RAB3C: variants seen among roughly 807,000 people sequenced by gnomAD.
RAB3C encodes ras-related protein Rab-3C.
Under a neutral mutation model 26.4 loss-of-function variants are expected in RAB3C, and 17 were observed. The ratio of observed to expected loss-of-function variants is 0.64; its 90% CI spans 0.44 to 0.97. The LOEUF (loss-of-function observed/expected upper bound fraction) is 0.97, where lower values mean the gene tolerates loss of function less well. Among genes scored for constraint, RAB3C ranks in the 50% least tolerant of loss-of-function variants. The probability of loss-of-function intolerance (pLI) is 0.00; values close to 1 mark genes in which losing one functional copy is unlikely to be tolerated. For missense variants in RAB3C, 242 were observed against 281.9 expected (o/e 0.86, Z 1.01); for synonymous variants, 91 against 95.9 (o/e 0.95, Z 0.30).
At chr5:58,798,607 A>T (rs936445195) in intron 3 of RAB3C, among the ~76,000 whole-genome samples, 14 of 152,238 alleles carry the variant, frequency 9.2e-5, no homozygotes, top group Admixed American at 3.3e-4. Context: ...ATGAACAAAA[A>T]GTATTTAAAA....
chr5:58,647,712 G>A (rs1204511017), intron 2 of RAB3C: 4 of 152,142 alleles, frequency 2.6e-5, no homozygotes, highest in East Asian at 1.9e-4. Context: ...TGCATCCAGG[G>A]TAAGTAACCA....
chr5:58,741,243 A>T (rs1167123563), intron 3 of RAB3C, among the ~76,000 whole-genome samples: 1 of 152,226 alleles, frequency 6.6e-6, no homozygotes, highest in African/African-American at 2.4e-5. Context: ...CAACGAGGGA[A>T]GTTTCCCCAA....
At chr5:58,582,770 G>C (rs1745925790), upstream of RAB3C, among the ~76,000 whole-genome samples, 1 of 152,188 alleles carries the variant, frequency 6.6e-6, no homozygotes, top group Non-Finnish European at 1.5e-5. Context: ...TTCCGAAGGC[G>C]ATAGTTAGCA....
In RAB3C at chr5:58,667,503, G is replaced by A. The variant is rs541891122; in HGVS notation, c.252+49633G>A. Among the ~76,000 whole-genome samples, 43 of 152,160 alleles carry A rather than the reference G, an allele frequency of 2.8e-4. 1 individual carries two copies. The East Asian group carries it at 3.9e-3, about 14-fold the overall frequency. ...AGCCTGGGACTTCCATACTAGCCCC[G>A]GGCTGCCTACCCCAGACTCCTGTTG... On this transcript the variant is annotated intron_variant, in intron 2 of 4. Transcript: ENST00000282878.
Position 58,828,455 on chromosome 5 carries a change from T to C in RAB3C, c.496+3293T>C, listed in dbSNP as rs1743538164. ...TTTATCCATCTCCTGCACTCTGGCTTTCTATCCTCAGTCCACCACTCCTCT... is the reference window on the plus strand; with the variant it reads ...TTTATCCATCTCCTGCACTCTGGCTCTCTATCCTCAGTCCACCACTCCTCT... On this transcript the variant is annotated intron_variant, in intron 4 of 4. Coordinates refer to ENST00000282878, the MANE Select transcript of RAB3C (RefSeq NM_138453.4). Among the ~76,000 whole-genome samples, 2 of 152,296 alleles carry C rather than the reference T, an allele frequency of 1.3e-5. 1 individual carries two copies. The highest frequency in any genetic ancestry group is 3.9e-4 in the East Asian group (2 of 5,174).
chr5:58,853,554 CT>C lies in RAB3C; in HGVS notation c.*2205del, dbSNP rs1215229272. On this transcript the variant is annotated 3_prime_UTR_variant, in exon 5 of 5. Coordinates refer to ENST00000282878, the MANE Select transcript of RAB3C (RefSeq NM_138453.4). ...CAGAGTTTTGCTCTGCTGAAAACCC[CT>C]TCCCTGAAGAACTGATTGCTGTTGA... 1 of 152,148 alleles carries C rather than the reference CT, an allele frequency of 6.6e-6. No individual in the cohort carries two copies. The highest frequency in any genetic ancestry group is 1.5e-5 in the Non-Finnish European group (1 of 68,042). 9.4% of individuals were successfully genotyped at this position (152,148 alleles called of 1,614,324 possible).
At chr5:58,665,202 G>A (rs1451840159) in intron 2 of RAB3C, among the ~76,000 whole-genome samples, 4 of 151,922 alleles carry the variant, frequency 2.6e-5, no homozygotes, top group Non-Finnish European at 4.4e-5. Flanking sequence ...GAACATTTGT[G>A]TGTAAAATTT....
intron 3 of RAB3C, among the ~76,000 whole-genome samples, chr5:58,741,182 G>A (rs1741265865): frequency 6.6e-6 from 1 of 152,204 alleles, no homozygotes; most frequent in African/African-American, 2.4e-5. Context: ...GATGTCCTCA[G>A]AGACATTACC....
chr5:58,840,156 A>C (rs1380516176), intron 4 of RAB3C, among the ~76,000 whole-genome samples: 2 of 151,412 alleles, frequency 1.3e-5, no homozygotes, highest in Admixed American at 1.3e-4. Flanking sequence ...TGTAGGCTTT[A>C]TTTATTTATC....
chr5:58,758,411 A>C (rs2111972687), intron 3 of RAB3C, among the ~76,000 whole-genome samples: 1 of 152,330 alleles, frequency 6.6e-6, no homozygotes, highest in South Asian at 2.1e-4. Context: ...TGGGCAAAAC[A>C]GATGTAACCT....
At chr5:58,794,159 C>G (rs1561132241) in intron 3 of RAB3C, 1 of 152,140 alleles carries the variant, frequency 6.6e-6, no homozygotes, top group African/African-American at 2.4e-5. Flanking sequence ...TGAAAATTCA[C>G]AGTGCTTTTT....
At chr5:58,729,926 C>T (rs1310964105) in intron 3 of RAB3C, among the ~76,000 whole-genome samples, 2 of 146,462 alleles carry the variant, frequency 1.4e-5, no homozygotes, top group East Asian at 4.0e-4. Flanking sequence ...TATATATACA[C>T]ATATACATAT....
chr5:58,591,899 T>A (rs1468201188), intron 1 of RAB3C, among the ~76,000 whole-genome samples: 1 of 20,090 alleles, frequency 5.0e-5, no homozygotes, highest in African/African-American at 1.7e-4. Context: ...TCTTTTTCTA[T>A]TTTTTTTTTT....
chr5:58,672,587 T>C (rs73100318), intron 2 of RAB3C, among the ~76,000 whole-genome samples: 2,580 of 152,310 alleles, frequency 0.017, 76 homozygotes, highest in African/African-American at 0.059. Context: ...AATTCATGCC[T>C]CTTATTGAAG....
chr5:58,638,947 A>T (rs189721324), intron 2 of RAB3C, among the ~76,000 whole-genome samples: 1 of 152,150 alleles, frequency 6.6e-6, no homozygotes, highest in Non-Finnish European at 1.5e-5. Flanking sequence ...CAAGCACACC[A>T]TGCCTGCCTT....
intron 3 of RAB3C, among the ~76,000 whole-genome samples, chr5:58,811,363 GTA>G (rs1370321428): frequency 2.6e-5 from 4 of 152,050 alleles, no homozygotes; most frequent in African/African-American, 9.7e-5. Flanking sequence ...GTATGTGTGT[GTA>G]TGTGTGTGTG....
intron 3 of RAB3C, among the ~76,000 whole-genome samples, chr5:58,775,026 A>T (rs111810499): frequency 6.6e-6 from 1 of 152,046 alleles, no homozygotes; most frequent in South Asian, 2.1e-4. Context: ...ATTTAAGAGG[A>T]TCCCTCCAGC....
At chr5:58,762,687 G>A (rs566141353) in intron 3 of RAB3C, among the ~76,000 whole-genome samples, 240 of 152,180 alleles carry the variant, frequency 1.6e-3, no homozygotes, top group Middle Eastern at 6.8e-3. Flanking sequence ...GTGAAACTCC[G>A]TCTCAAAAAT....
At chr5:58,717,455 C>T (rs1482216726) in intron 2 of RAB3C, among the ~76,000 whole-genome samples, 1 of 152,110 alleles carries the variant, frequency 6.6e-6, no homozygotes, top group Admixed American at 6.6e-5. Context: ...GGACAAGCTT[C>T]TGTGTGACAG....
Sources: allele counts gnomAD v4.1 joint callset (sites outside exome capture counted in the v4.1 genomes callset), GRCh38; gene constraint gnomAD v4.1.1; transcripts MANE v1.5; gene names NCBI Gene and HGNC (gene_info 2026-07-23, HGNC 2026-07-21).